Variants in TTC7A observed in about 807,000 individuals in gnomAD.
TTC7A encodes the protein tetratricopeptide repeat domain 7A, also known as tetratricopeptide repeat protein 7A.
TTC7A carries 110 observed loss-of-function variants against 103.7 expected under a neutral mutation model. That is an observed-to-expected ratio of 1.06 (90% confidence interval 0.91 to 1.24). The LOEUF is 1.24. Among genes scored for constraint, TTC7A ranks in the 50% most tolerant of loss-of-function variants. The probability of loss-of-function intolerance (pLI) is 0.00; values close to 1 mark genes in which losing one functional copy is unlikely to be tolerated. For missense variants in TTC7A, 1,340 were observed against 1,116.3 expected, an observed-to-expected ratio of 1.20 and a Z score of -2.86; for synonymous variants, 521 against 467.9, an observed-to-expected ratio of 1.11 and a Z score of -1.47.
chr2:46,969,797 G>A (rs7602813), intron 3 of TTC7A, among the ~76,000 whole-genome samples: 108,382 of 152,082 alleles, frequency 0.71, 38,766 homozygotes, highest in Middle Eastern at 0.76. Flanking sequence ...CTATGCATCC[G>A]TCTGCATGCT....
At chr2:46,922,152 A>G (rs1405173787) in intron 2 of TTC7A, among the ~76,000 whole-genome samples, 1 of 152,024 alleles carries the variant, frequency 6.6e-6, no homozygotes, top group East Asian at 1.9e-4. Context: ...TCAAACAACA[A>G]CTTTAGTTAC....
At chr2:47,045,969 G>A (rs1338786965) in intron 15 of TTC7A, among the ~76,000 whole-genome samples, 1 of 152,216 alleles carries the variant, frequency 6.6e-6, no homozygotes, top group Non-Finnish European at 1.5e-5. Flanking sequence ...TTGCTTAGTG[G>A]AGGATGTGGG....
chr2:46,985,821 T>A lies in TTC7A; in HGVS notation c.764+6914T>A, dbSNP rs185426214. 9.9e-3 allele frequency among the ~76,000 whole-genome samples: 1,506 copies of A among 152,362 alleles called. 14 individuals carry two copies. Among genetic ancestry groups the A allele is most frequent in the Middle Eastern group, 0.017 (5 of 294 alleles). On this transcript the variant is annotated intron_variant, in intron 5 of 19. Coordinates refer to ENST00000319190, the MANE Select transcript of TTC7A (RefSeq NM_020458.4). ...GAATCATCAGTTTCAGTATTTTTTT[T>A]AAATGCATTTGTTGTTAGGAAGTTA...
At chr2:46,956,247 A>C (rs1038622299) in intron 2 of TTC7A, among the ~76,000 whole-genome samples, 3 of 152,220 alleles carry the variant, frequency 2.0e-5, no homozygotes, top group African/African-American at 7.2e-5. Flanking sequence ...GTGATTCTGC[A>C]CTTTGACCCA....
chr2:47,025,307 G>A (rs1041082286), intron 14 of TTC7A, among the ~76,000 whole-genome samples: 8 of 152,166 alleles, frequency 5.3e-5, no homozygotes, highest in African/African-American at 1.7e-4. Flanking sequence ...TTTACCGGAG[G>A]ACACCACTGA....
Position 46,958,552 on chromosome 2 carries a change from G to C in TTC7A, c.517+1545G>C, listed in dbSNP as rs947096996. On this transcript the variant is annotated intron_variant, in intron 3 of 19. Transcript: ENST00000319190. ...CGGTGGTCAGAGGTCCTGCAGGGGAGGTAAGGAGACGGGCGCTGCCGGCGC... is the reference window on the plus strand; with the variant it reads ...CGGTGGTCAGAGGTCCTGCAGGGGACGTAAGGAGACGGGCGCTGCCGGCGC... The C allele has an allele frequency of 3.8e-6, 5 of 1,303,106 alleles. No homozygotes were observed. The South Asian group carries it at 6.2e-5, about 16-fold the overall frequency. 80.7% of individuals were successfully genotyped at this position (1,303,106 alleles called of 1,614,324 possible). A position where few individuals can be genotyped will look rare whatever the true frequency, so the allele number is the denominator to read the frequency against.
intron 15 of TTC7A, among the ~76,000 whole-genome samples, chr2:47,041,132 A>AGGTC (rs1387907565): frequency 6.6e-6 from 1 of 152,048 alleles, no homozygotes; most frequent in East Asian, 1.9e-4. Context: ...TCTGGAGCCC[A>AGGTC]CTGTTCCTCC....
chr2:47,028,002 C>T (rs1680101696), intron 14 of TTC7A, among the ~76,000 whole-genome samples: 1 of 152,304 alleles, frequency 6.6e-6, no homozygotes, highest in African/African-American at 2.4e-5. Context: ...AGCTTTTTCT[C>T]TGAGGGTAGT....
chr2:46,997,475 G>A (rs1676325627), intron 8 of TTC7A, among the ~76,000 whole-genome samples: 2 of 152,206 alleles, frequency 1.3e-5, no homozygotes, highest in African/African-American at 4.8e-5. Flanking sequence ...AAAAACAACA[G>A]TTTCATATAG....
chr2:47,054,211 T>C (rs1683131304), intron 18 of TTC7A: 1 of 974,844 alleles, frequency 1.0e-6, no homozygotes, highest in African/African-American at 1.8e-5. Context: ...AGATCCAAAA[T>C]AGCAGTGTCT....
chr2:46,944,712 A>G (rs1041732440), intron 1 of TTC7A, among the ~76,000 whole-genome samples: 1 of 152,102 alleles, frequency 6.6e-6, no homozygotes, highest in African/African-American at 2.4e-5. Context: ...GCTAATTTTC[A>G]AATTTTTTTG....
Position 46,941,838 on chromosome 2 carries a change from C to T in TTC7A, c.184+113C>T, listed in dbSNP as rs560777699. 1.5e-6 allele frequency: 2 copies of T among 1,372,780 alleles called. No homozygotes were observed. Among genetic ancestry groups the T allele is most frequent in the African/African-American group, 1.4e-5 (1 of 69,162 alleles). The allele number at this position is 1,372,780 out of a possible 1,614,324, so 85.0% of individuals were successfully genotyped here. A position where few individuals can be genotyped will look rare whatever the true frequency, so the allele number is the denominator to read the frequency against. On this transcript the variant is annotated intron_variant, in intron 1 of 19. Coordinates refer to ENST00000319190, the MANE Select transcript of TTC7A (RefSeq NM_020458.4). This position sits in a 1 kb window ranked among gnomAD's most constrained non-coding sequence, Gnocchi z 4.2. ...CGACAGCGGGCGCCTGCCAGCCCACCGTGCTAGTCTTAAGAGCAGCCAGGG... is the reference window on the plus strand; with the variant it reads ...CGACAGCGGGCGCCTGCCAGCCCACTGTGCTAGTCTTAAGAGCAGCCAGGG...
intron 18 of TTC7A, chr2:47,054,182 C>G: frequency 1.0e-6 from 1 of 985,340 alleles, no homozygotes; most frequent in Non-Finnish European, 1.2e-6. Context: ...ATTAGGAGAC[C>G]AGTTTGGGTG....
intron 15 of TTC7A, among the ~76,000 whole-genome samples, chr2:47,043,131 C>G (rs1459123927): frequency 6.6e-6 from 1 of 152,222 alleles, no homozygotes; most frequent in Non-Finnish European, 1.5e-5. Flanking sequence ...AGCAGCTACC[C>G]GTTGCAGTGG....
At chr2:46,922,396 T>G (rs1669152069) in intron 2 of TTC7A, among the ~76,000 whole-genome samples, 1 of 152,200 alleles carries the variant, frequency 6.6e-6, no homozygotes, top group Non-Finnish European at 1.5e-5. Context: ...CTCAAAGAGC[T>G]TTGATGTTTG....
At chr2:47,024,251 C>G (rs1679624670) in intron 13 of TTC7A, 36 bp from the exon 14 acceptor site, 1 of 1,564,858 alleles carries the variant, frequency 6.4e-7, no homozygotes, top group African/African-American at 1.4e-5. Flanking sequence ...CACTCAACCC[C>G]TGGTGCCTGA....
At chr2:46,993,661 A>G in intron 6 of TTC7A, 133 bp downstream of exon 6, 1 of 796,560 alleles carries the variant, frequency 1.3e-6, no homozygotes, top group Non-Finnish European at 2.1e-6. Context: ...GAGGTTGGTA[A>G]TCAATCTCAG....
intron 8 of TTC7A, among the ~76,000 whole-genome samples, chr2:46,998,099 G>T (rs1003663059): frequency 2.0e-5 from 3 of 152,106 alleles, no homozygotes; most frequent in African/African-American, 7.2e-5. Flanking sequence ...GGTGTCCTGG[G>T]AGATTCCCTG....
chr2:46,917,187 A>G (rs772906996), exon 2 of TTC7A: 7 of 701,852 alleles, frequency 1.0e-5, no homozygotes, highest in South Asian at 3.0e-5. Context: ...TTTAAAGAAA[A>G]GAGTCTCCAT....
Sources: allele counts gnomAD v4.1 joint callset (sites outside exome capture counted in the v4.1 genomes callset), GRCh38; gene constraint gnomAD v4.1.1; non-coding constraint Gnocchi (gnomAD v3.1); transcripts MANE v1.5; gene names NCBI Gene and HGNC (gene_info 2026-07-23, HGNC 2026-07-21).